AGT: variants seen among roughly 807,000 people sequenced by gnomAD.
The protein encoded by AGT is angiotensinogen.
Under a neutral mutation model 28.1 loss-of-function variants are expected in AGT, and 26 were observed. That is an observed-to-expected ratio of 0.92 (90% CI 0.68 to 1.28). The LOEUF (loss-of-function observed/expected upper bound fraction) is 1.28. AGT is among the 50% of genes most tolerant of loss of function. The probability of loss-of-function intolerance (pLI) is 0.00; values close to 1 mark genes in which losing one functional copy is unlikely to be tolerated. For missense variants in AGT, 596 were observed against 592.3 expected (o/e 1.01, Z -0.06); for synonymous variants, 259 against 259.6 (o/e 1.00, Z 0.02).
At chr1:230,730,055 G>T (rs1448471589) in intron 1 of AGT, among the ~76,000 whole-genome samples, 1 of 152,010 alleles carries the variant, frequency 6.6e-6, no homozygotes, top group African/African-American at 2.4e-5. Context: ...CAGCTACTCA[G>T]GAGGCTCCTG....
intron 1 of AGT, among the ~76,000 whole-genome samples, chr1:230,740,477 T>G (rs1050982767): frequency 6.6e-6 from 1 of 152,070 alleles, no homozygotes; most frequent in Non-Finnish European, 1.5e-5. Context: ...CTGACAAACC[T>G]TACAGGATAT....
chr1:230,710,478 A>G lies in AGT; in HGVS notation c.346T>C (p.Trp116Arg). 1 of 1,614,210 alleles carries G rather than the reference A, an allele frequency of 6.2e-7. No homozygotes were observed. Among genetic ancestry groups the G allele is most frequent in the Non-Finnish European group, 8.5e-7 (1 of 1,180,044 alleles). The change falls in exon 2 of 5, where the codon TGG (tryptophan) becomes CGG (arginine). Residue 116 changes from tryptophan (W) to arginine (R), a missense_variant. Trp to Arg is a moderately radical substitution (Grantham distance 101). Transcript: ENST00000366667. ...ACGGTGGCCCCATGGACCACGCCCC[A>G]TAGCTCACTGTGCATGCCATATATA... ...FRIYGMHSEL[W>R]GVVHGATVLS...
In AGT at chr1:230,710,928, T is replaced by C; in HGVS notation, c.-30-75A>G. ...AAGTGCCATCTAACCAGATCTTTCA[T>C]TGTCTCAATATTCCCTGTCACCATT... On this transcript the variant is annotated intron_variant, in intron 1 of 4. Coordinates refer to ENST00000366667, the MANE Select transcript of AGT (RefSeq NM_001384479.1). 2 of 1,535,312 alleles carry C rather than the reference T, an allele frequency of 1.3e-6. 1 individual carries two copies. Among genetic ancestry groups the C allele is most frequent in the Middle Eastern group, 4.0e-4 (2 of 5,034 alleles).
upstream of AGT, among the ~76,000 whole-genome samples, chr1:230,717,881 T>C (rs949923836): frequency 2.0e-5 from 3 of 152,206 alleles, no homozygotes; most frequent in Admixed American, 2.0e-4. Context: ...TTTTCTTAAG[T>C]TGGCTCACAT....
At chr1:230,736,981 G>A (rs1664167726) in intron 1 of AGT, among the ~76,000 whole-genome samples, 1 of 152,130 alleles carries the variant, frequency 6.6e-6, no homozygotes, top group Non-Finnish European at 1.5e-5. Flanking sequence ...TACCCACTAA[G>A]CCAACCACCC....
Position 230,710,873 on chromosome 1 carries a change from A to C in AGT, c.-30-20T>G. ...CATACCCTGAAATATCATTTTGCAA[A>C]GGGTGAAAGGTGGTTATTAACTGAC... On this transcript the variant is annotated intron_variant, in intron 1 of 4. Coordinates refer to ENST00000366667, the MANE Select transcript of AGT (RefSeq NM_001384479.1). The C allele has an allele frequency of 1.2e-6, 2 of 1,608,452 alleles. No individual in the cohort carries two copies. The highest frequency in any genetic ancestry group is 1.7e-6 in the Non-Finnish European group (2 of 1,179,962).
In AGT at chr1:230,734,022, C is replaced by T. The variant is rs114441465; in HGVS notation, c.-31+11493G>A. Among the ~76,000 whole-genome samples, 501 of 152,264 alleles carry T rather than the reference C, an allele frequency of 3.3e-3. 4 individuals are homozygous for T. The highest frequency in any genetic ancestry group is 0.011 in the African/African-American group (440 of 41,568). ...TCTCATCTTCTCACTTAGGTTGGCACATGTATTTTCTCTTTCTCTTTTATA... is the reference window on the plus strand; with the variant it reads ...TCTCATCTTCTCACTTAGGTTGGCATATGTATTTTCTCTTTCTCTTTTATA... On this transcript the variant is annotated intron_variant, in intron 1 of 4. Transcript: ENST00000681269.
intron 1 of AGT, among the ~76,000 whole-genome samples, chr1:230,734,071 TCC>T (rs371854857): frequency 3.2e-4 from 48 of 152,228 alleles, no homozygotes; most frequent in African/African-American, 9.4e-4. Context: ...CAAGTGCGGG[TCC>T]CTGGCACATA....
intron 3 of AGT, 66 bp from the exon 4 acceptor site, chr1:230,704,403 G>A (rs141781663): frequency 7.0e-6 from 11 of 1,577,468 alleles, no homozygotes; most frequent in African/African-American, 1.3e-5. Flanking sequence ...CAGAGGCCAG[G>A]CAGGCTTATG....
At chr1:230,744,758 C>T (rs986149160) in intron 1 of AGT, among the ~76,000 whole-genome samples, 13 of 152,150 alleles carry the variant, frequency 8.5e-5, no homozygotes, top group Non-Finnish European at 1.8e-4. Context: ...GTGTTTGTAT[C>T]GGGAGGAGAA....
chr1:230,739,968 C>T (rs1177945201), intron 1 of AGT, among the ~76,000 whole-genome samples: 7 of 152,308 alleles, frequency 4.6e-5, no homozygotes, highest in Middle Eastern at 3.4e-3. Flanking sequence ...AATGGCCACT[C>T]CGTAGGTAGA....
upstream of AGT, among the ~76,000 whole-genome samples, chr1:230,715,610 G>T (rs1375611703): frequency 6.6e-6 from 1 of 152,180 alleles, no homozygotes; most frequent in Non-Finnish European, 1.5e-5. Context: ...TAGAGACTGG[G>T]GTCCTAGGCC....
chr1:230,726,190 G>A (rs1269962888), intron 1 of AGT, among the ~76,000 whole-genome samples: 1 of 152,172 alleles, frequency 6.6e-6, no homozygotes, highest in African/African-American at 2.4e-5. Flanking sequence ...AGTTATTGAT[G>A]ACTATGTGCC....
chr1:230,719,419 T>TATG (rs373330851), upstream of AGT, among the ~76,000 whole-genome samples: 9,690 of 94,608 alleles, frequency 0.1, 533 homozygotes, highest in East Asian at 0.33. Context: ...TTTTTTTTTT[T>TATG]TTTTTTGAGA....
chr1:230,721,167 G>A (rs1452773151), intron 1 of AGT, among the ~76,000 whole-genome samples: 2 of 152,194 alleles, frequency 1.3e-5, no homozygotes, highest in African/African-American at 4.8e-5. Flanking sequence ...GAGACAAACA[G>A]AAATCTGTTG....
intron 1 of AGT, among the ~76,000 whole-genome samples, chr1:230,721,012 C>T (rs967472727): frequency 1.4e-4 from 21 of 152,240 alleles, no homozygotes; most frequent in African/African-American, 5.1e-4. Context: ...GGGTGAGGCA[C>T]CTCCAGGGAC....
chr1:230,736,207 C>T (rs1312478172), intron 1 of AGT, among the ~76,000 whole-genome samples: 7 of 151,738 alleles, frequency 4.6e-5, no homozygotes, highest in South Asian at 2.1e-4. Context: ...CAATTGACCC[C>T]TTATCATTTT....
intron 1 of AGT, among the ~76,000 whole-genome samples, chr1:230,711,555 A>C (rs1663591621): frequency 6.6e-6 from 1 of 151,834 alleles, no homozygotes; most frequent in African/African-American, 2.4e-5. Context: ...GGCCTCCTAG[A>C]CCCCTGAGAT....
chr1:230,706,798 G>T (rs982696910), intron 2 of AGT, among the ~76,000 whole-genome samples: 1 of 152,076 alleles, frequency 6.6e-6, no homozygotes, highest in African/African-American at 2.4e-5. Flanking sequence ...CTCCCTCCTG[G>T]TGTTTTACAT....
Sources: allele counts gnomAD v4.1 joint callset (sites outside exome capture counted in the v4.1 genomes callset), GRCh38; gene constraint gnomAD v4.1.1; transcripts MANE v1.5; gene names NCBI Gene and HGNC (gene_info 2026-07-23, HGNC 2026-07-21).